The following MTAP variants were observed in gnomAD, a reference collection of about 807,000 sequenced individuals.
MTAP encodes methylthioadenosine phosphorylase, also known as S-methyl-5'-thioadenosine phosphorylase.
A neutral mutation model predicts 33.6 loss-of-function variants in MTAP; 33 were observed. That is an observed-to-expected ratio of 0.98 (90% CI 0.74 to 1.31). The LOEUF (loss-of-function observed/expected upper bound fraction) is 1.31, where lower values mean the gene tolerates loss of function less well. Among genes scored for constraint, MTAP ranks in the 40% most tolerant of loss-of-function variants. MTAP has a pLI of 0.00. For synonymous variants in MTAP, 148 were observed against 125.7 expected (o/e 1.18, Z -1.19); for missense variants, 367 against 360.0 (o/e 1.02, Z -0.16).
In MTAP at chr9:21,832,353, C is replaced by T. The variant is rs1012993355; in HGVS notation, c.348-5555C>T. On this transcript the variant is annotated intron_variant, in intron 4 of 7. Transcript: ENST00000644715. ...CAAGTATTTGATCATTCTCTTTCTG[C>T]CTCTTGATGACTAGAAAGCGTTTTA... 2.0e-5 allele frequency among the ~76,000 whole-genome samples: 3 copies of T among 152,170 alleles called. No homozygotes were observed. In the South Asian group the frequency reaches 6.2e-4, roughly 32 times the overall value.
At chr9:21,856,516 A>G (rs769816102) in intron 6 of MTAP, among the ~76,000 whole-genome samples, 7 of 152,188 alleles carry the variant, frequency 4.6e-5, no homozygotes, top group Non-Finnish European at 7.3e-5. Flanking sequence ...CTTCCAATTA[A>G]TAGGAAACTC....
At chr9:21,907,347 A>G (rs1274752778) in intron 1 of MTAP, among the ~76,000 whole-genome samples, 2 of 152,248 alleles carry the variant, frequency 1.3e-5, no homozygotes, top group African/African-American at 2.4e-5. Context: ...GCTTGAGCTC[A>G]GGAGTTCAAG....
At chr9:21,846,414 C>T (rs1292574361) in intron 5 of MTAP, among the ~76,000 whole-genome samples, 1 of 134,112 alleles carries the variant, frequency 7.5e-6, no homozygotes, top group Non-Finnish European at 1.5e-5. Flanking sequence ...AACAAATCAG[C>T]AAGAAAAAAA....
chr9:21,933,672 G>C (rs1486968811), downstream of MTAP: 2 of 152,180 alleles, frequency 1.3e-5, no homozygotes, highest in Non-Finnish European at 2.9e-5. Context: ...CCATCTGCCA[G>C]AAACACAATT....
chr9:21,939,708 T>TAAC (rs1158040683), downstream of MTAP, among the ~76,000 whole-genome samples: 1 of 150,882 alleles, frequency 6.6e-6, no homozygotes, highest in Non-Finnish European at 1.5e-5. Context: ...TATGAAAAAA[T>TAAC]AATAATAATA....
intron 2 of MTAP, among the ~76,000 whole-genome samples, chr9:21,816,303 T>A (rs1216677454): frequency 1.3e-5 from 2 of 152,196 alleles, no homozygotes; most frequent in Admixed American, 6.5e-5. Context: ...TAGACCTGGT[T>A]AACACAAGCA....
intron 1 of MTAP, among the ~76,000 whole-genome samples, chr9:21,928,816 G>T (rs1191973025): frequency 6.6e-6 from 1 of 151,580 alleles, no homozygotes; most frequent in Non-Finnish European, 1.5e-5. Context: ...TGCCCCTAAG[G>T]CTCCCTAGCA....
intron 1 of MTAP, among the ~76,000 whole-genome samples, chr9:21,872,178 T>C (rs1229646930): frequency 6.6e-6 from 1 of 152,138 alleles, no homozygotes; most frequent in South Asian, 2.1e-4. Flanking sequence ...ACAGGCATGA[T>C]GGTAGGCACC....
chr9:21,849,727 C>T (rs1300153005), intron 5 of MTAP, among the ~76,000 whole-genome samples: 3 of 152,188 alleles, frequency 2.0e-5, no homozygotes, highest in African/African-American at 7.2e-5. Context: ...CTACCACATC[C>T]CCATTTATCT....
At chr9:21,828,447 G>A (rs1023955440) in intron 4 of MTAP, among the ~76,000 whole-genome samples, 3 of 152,282 alleles carry the variant, frequency 2.0e-5, no homozygotes, top group South Asian at 2.1e-4. Context: ...GCTGAGGCAG[G>A]CAGATCACCT....
At chr9:21,916,080 A>AAAGC (rs1554649338) in intron 1 of MTAP, among the ~76,000 whole-genome samples, 1 of 116,982 alleles carries the variant, frequency 8.5e-6, no homozygotes, top group Non-Finnish European at 1.7e-5. Context: ...GGGAGGAAGG[A>AAAGC]AAGGAAGGAA....
chr9:21,918,987 G>T (rs965749490), intron 1 of MTAP, among the ~76,000 whole-genome samples: 2 of 152,168 alleles, frequency 1.3e-5, no homozygotes, highest in South Asian at 2.1e-4. Flanking sequence ...GATCACCAAG[G>T]TGTGACATAG....
At chr9:21,905,610 T>G (rs1441688827) in intron 1 of MTAP, among the ~76,000 whole-genome samples, 2 of 150,916 alleles carry the variant, frequency 1.3e-5, no homozygotes, top group African/African-American at 4.9e-5. Context: ...CTGTGTTAAG[T>G]GCATAGGTGA....
chr9:21,940,687 G>A (rs929216525), downstream of MTAP, among the ~76,000 whole-genome samples: 1 of 151,102 alleles, frequency 6.6e-6, no homozygotes. Context: ...ATACAATTTA[G>A]GAATAGCCAA....
chr9:21,904,098 G>A (rs1387317240), intron 1 of MTAP, among the ~76,000 whole-genome samples: 1 of 152,150 alleles, frequency 6.6e-6, no homozygotes, highest in Non-Finnish European at 1.5e-5. Flanking sequence ...TGGGCGGCCT[G>A]GGCTGTCCTC....
At chr9:21,840,089 G>A (rs572970166) in intron 5 of MTAP, among the ~76,000 whole-genome samples, 1 of 152,106 alleles carries the variant, frequency 6.6e-6, no homozygotes, top group Non-Finnish European at 1.5e-5. Flanking sequence ...AGCCAGGCAT[G>A]GTGGCAGGCA....
At position 21,802,702 on chromosome 9, in the gene MTAP, C is replaced by A. The variant is rs530491797; in HGVS notation, c.-47C>A. On this transcript the variant is annotated 5_prime_UTR_variant, in exon 1 of 8. Coordinates refer to ENST00000644715, the MANE Select transcript of MTAP (RefSeq NM_002451.4). ...ACCGCTCTGTGGCTCGCTTGGTTCC[C>A]TTAGTCCCGAGCGCTCGCCCACTGC... The A allele has an allele frequency of 3.8e-6, 6 of 1,598,250 alleles. 1 individual carries two copies. The East Asian group carries it at 1.1e-4, about 30-fold the overall frequency.
At chr9:21,829,857 T>A (rs1450345722) in intron 4 of MTAP, among the ~76,000 whole-genome samples, 1 of 152,224 alleles carries the variant, frequency 6.6e-6, no homozygotes, top group Non-Finnish European at 1.5e-5. Context: ...AATAATGAAA[T>A]ATACTTTTGA....
intron 1 of MTAP, among the ~76,000 whole-genome samples, chr9:21,879,566 C>A (rs1188982877): frequency 2.6e-5 from 4 of 151,960 alleles, no homozygotes; most frequent in African/African-American, 9.7e-5. Flanking sequence ...AGGTTAGTAT[C>A]AATATGTGTG....
Sources: allele counts gnomAD v4.1 joint callset (sites outside exome capture counted in the v4.1 genomes callset), GRCh38; gene constraint gnomAD v4.1.1; transcripts MANE v1.5; gene names NCBI Gene and HGNC (gene_info 2026-07-23, HGNC 2026-07-21).